The following NAALADL2 variants were observed in gnomAD, a reference collection of about 807,000 sequenced individuals.
The protein encoded by NAALADL2 is inactive N-acetylated-alpha-linked acidic dipeptidase-like protein 2.
In NAALADL2, 76 loss-of-function variants were observed where a neutral mutation model predicts 87.2. The ratio of observed to expected loss-of-function variants is 0.87; its 90% confidence interval spans 0.72 to 1.05. The LOEUF is 1.05. NAALADL2 is among the 50% of genes least tolerant of loss of function. The probability of loss-of-function intolerance (pLI) is 0.00; values close to 1 mark genes in which losing one functional copy is unlikely to be tolerated. For synonymous variants in NAALADL2, 354 were observed against 331.0 expected (o/e 1.07, Z -0.75); for missense variants, 1,089 against 945.8 (o/e 1.15, Z -1.99).
chr3:174,614,302 C>G (rs1560094303), intron 2 of NAALADL2, among the ~76,000 whole-genome samples: 1 of 152,150 alleles, frequency 6.6e-6, no homozygotes, highest in Admixed American at 6.5e-5. Context: ...GACTACCTTT[C>G]AAGTTTATTT....
chr3:174,706,661 T>C (rs1044111200), intron 2 of NAALADL2, among the ~76,000 whole-genome samples: 5 of 152,250 alleles, frequency 3.3e-5, no homozygotes, highest in African/African-American at 1.2e-4. Flanking sequence ...TTTGTCAATT[T>C]TGGCTTTTGT....
At chr3:175,456,669 C>T (rs1488843744) in intron 6 of NAALADL2, among the ~76,000 whole-genome samples, 1 of 152,048 alleles carries the variant, frequency 6.6e-6, no homozygotes, top group African/African-American at 2.4e-5. Context: ...GTCAGTGAAT[C>T]ATCTGACAAA....
intron 5 of NAALADL2, among the ~76,000 whole-genome samples, chr3:175,343,655 G>GTTTTTTTTTTGTTTTTTTTTTTT (rs771915195): frequency 1.5e-5 from 1 of 64,726 alleles, no homozygotes; most frequent in Non-Finnish European, 3.3e-5. Context: ...TCTTGATCAT[G>GTTTTTTTTTTGTTTTTTTTTTTT]TTTTTTTTTT....
At chr3:175,207,757 T>G (rs576292896) in intron 2 of NAALADL2, among the ~76,000 whole-genome samples, 2 of 152,222 alleles carry the variant, frequency 1.3e-5, no homozygotes, top group South Asian at 4.1e-4. Context: ...ATATGATGTT[T>G]AAAGTGTTTA....
At chr3:175,204,255 G>C (rs1740491413) in intron 2 of NAALADL2, among the ~76,000 whole-genome samples, 1 of 152,154 alleles carries the variant, frequency 6.6e-6, no homozygotes, top group South Asian at 2.1e-4. Context: ...CCATGATCAA[G>C]TGGGTTTCAT....
intron 9 of NAALADL2, among the ~76,000 whole-genome samples, chr3:175,536,656 T>C (rs1168344000): frequency 1.3e-5 from 2 of 152,202 alleles, no homozygotes; most frequent in East Asian, 3.8e-4. Flanking sequence ...AAAAACCTAT[T>C]TTATTTTGTT....
At chr3:175,593,459 A>C (rs1193161541) in intron 10 of NAALADL2, among the ~76,000 whole-genome samples, 1 of 152,152 alleles carries the variant, frequency 6.6e-6, no homozygotes, top group African/African-American at 2.4e-5. Context: ...TTAATGCCTA[A>C]TTAACAGTGT....
At chr3:175,638,830 A>G (rs1026472586) in intron 11 of NAALADL2, among the ~76,000 whole-genome samples, 6 of 152,308 alleles carry the variant, frequency 3.9e-5, no homozygotes, top group African/African-American at 1.4e-4. Flanking sequence ...GACTCCATCA[A>G]AACAAATCCC....
intron 1 of NAALADL2, among the ~76,000 whole-genome samples, chr3:174,906,891 A>G (rs1733043517): frequency 6.6e-6 from 1 of 152,130 alleles, no homozygotes; most frequent in Non-Finnish European, 1.5e-5. Context: ...TTCTCATATC[A>G]AAATTTTTCT....
intron 1 of NAALADL2, chr3:175,080,957 A>T (rs1482590067): frequency 6.6e-6 from 1 of 152,304 alleles, no homozygotes; most frequent in East Asian, 1.9e-4. Context: ...AGGACTGGAT[A>T]TTAAGTACGT....
At chr3:175,688,228 G>A (rs1736578538) in intron 11 of NAALADL2, among the ~76,000 whole-genome samples, 1 of 151,996 alleles carries the variant, frequency 6.6e-6, no homozygotes, top group African/African-American at 2.4e-5. Flanking sequence ...CCTCTTGCTG[G>A]TGCTCGTGAC....
chr3:175,236,242 C>G (rs1048043718), intron 3 of NAALADL2, among the ~76,000 whole-genome samples: 1 of 152,084 alleles, frequency 6.6e-6, no homozygotes, highest in Non-Finnish European at 1.5e-5. Context: ...GGAATACTGG[C>G]CGGGCACTGT....
At chr3:175,478,062 G>A (rs1349791515) in intron 9 of NAALADL2, among the ~76,000 whole-genome samples, 1 of 151,906 alleles carries the variant, frequency 6.6e-6, no homozygotes, top group Admixed American at 6.6e-5. Flanking sequence ...CAACTGATGT[G>A]GAAACATTCT....
At chr3:175,364,646 C>CA (rs1765367507) in intron 5 of NAALADL2, among the ~76,000 whole-genome samples, 1 of 147,770 alleles carries the variant, frequency 6.8e-6, no homozygotes, top group Non-Finnish European at 1.5e-5. Flanking sequence ...CATCTACTCC[C>CA]ACCAGTTCCT....
chr3:174,518,678 A>C (rs979288463), intron 1 of NAALADL2, among the ~76,000 whole-genome samples: 1 of 152,162 alleles, frequency 6.6e-6, no homozygotes, highest in African/African-American at 2.4e-5. Flanking sequence ...TCCATGTTTT[A>C]GCCAGATTGA....
intron 2 of NAALADL2, among the ~76,000 whole-genome samples, chr3:175,230,563 G>A (rs536163536): frequency 1.3e-5 from 2 of 152,086 alleles, no homozygotes; most frequent in Admixed American, 6.6e-5. Context: ...ACCACAATGG[G>A]ATATAATTTT....
At chr3:175,671,676 G>A (rs1734026661) in intron 11 of NAALADL2, among the ~76,000 whole-genome samples, 2 of 151,542 alleles carry the variant, frequency 1.3e-5, no homozygotes, top group African/African-American at 4.8e-5. Context: ...AAATTCCTTG[G>A]AATTACTTAG....
chr3:174,773,738 T>G (rs1714862946), intron 3 of NAALADL2, among the ~76,000 whole-genome samples: 1 of 152,154 alleles, frequency 6.6e-6, no homozygotes, highest in Non-Finnish European at 1.5e-5. Flanking sequence ...ACCCAACGTT[T>G]AAAGTGATGC....
chr3:174,634,755 A>G (rs575777083), intron 2 of NAALADL2, among the ~76,000 whole-genome samples: 1 of 152,310 alleles, frequency 6.6e-6, no homozygotes, highest in East Asian at 1.9e-4. Flanking sequence ...ATAGATACAC[A>G]ATAGATGTGT....
Sources: allele counts gnomAD v4.1 joint callset (sites outside exome capture counted in the v4.1 genomes callset), GRCh38; gene constraint gnomAD v4.1.1; transcripts MANE v1.5; gene names NCBI Gene and HGNC (gene_info 2026-07-23, HGNC 2026-07-21).